RGS5: variants seen among roughly 807,000 people sequenced by gnomAD.
RGS5 encodes the protein regulator of G protein signaling 5, also known as regulator of G-protein signalling 5.
A neutral mutation model predicts 18.9 loss-of-function variants in RGS5; 20 were observed. The ratio of observed to expected loss-of-function variants is 1.06; its 90% CI spans 0.74 to 1.54. The LOEUF (loss-of-function observed/expected upper bound fraction) is 1.54. RGS5 is among the 40% of genes most tolerant of loss of function. RGS5 has a pLI of 0.00. For missense variants in RGS5, 201 were observed against 211.8 expected (o/e 0.95, Z 0.32); for synonymous variants, 57 against 76.2 (o/e 0.75, Z 1.31).
intron 1 of RGS5, among the ~76,000 whole-genome samples, chr1:163,193,998 C>T (rs1571272905): frequency 6.6e-6 from 1 of 152,230 alleles, no homozygotes; most frequent in African/African-American, 2.4e-5. Context: ...TTATCTTGCC[C>T]TCAGTGACAT....
intron 2 of RGS5, among the ~76,000 whole-genome samples, chr1:163,282,047 G>GCACA (rs76600062): frequency 3.8e-5 from 5 of 130,422 alleles, no homozygotes; most frequent in Admixed American, 7.7e-5. Flanking sequence ...GCACGCGCGC[G>GCACA]CACACACACA....
chr1:163,241,064 C>T (rs974790460), intron 2 of RGS5, among the ~76,000 whole-genome samples: 2 of 152,168 alleles, frequency 1.3e-5, no homozygotes, highest in Non-Finnish European at 2.9e-5. Flanking sequence ...GCTAACTTGT[C>T]TTCAGGTAAG....
Position 163,260,058 on chromosome 1 carries a change from A to G in RGS5, c.-281+46175T>C, listed in dbSNP as rs960044335. Reference sequence around the variant, plus strand: ...CTATGATCATAAGCAATGATAATCCATATAAATCATTTCCATTTCCAGTGT... The same window carrying G: ...CTATGATCATAAGCAATGATAATCCGTATAAATCATTTCCATTTCCAGTGT... On this transcript the variant is annotated intron_variant, in intron 2 of 5. Transcript: ENST00000618415. The G allele has an allele frequency of 2.6e-5, 4 of 152,370 alleles. No individual in the cohort carries two copies. The East Asian group carries it at 7.7e-4, about 29-fold the overall frequency. The allele number at this position is 152,370 out of a possible 1,614,324, so 9.4% of individuals were successfully genotyped here.
intron 2 of RGS5, among the ~76,000 whole-genome samples, chr1:163,230,146 G>A (rs1266441332): frequency 3.9e-5 from 6 of 152,180 alleles, no homozygotes; most frequent in Non-Finnish European, 8.8e-5. Flanking sequence ...CAAAAGCATT[G>A]AGAGAGGAGA....
chr1:163,297,289 T>TA (rs1649444880), intron 2 of RGS5, among the ~76,000 whole-genome samples: 1 of 152,152 alleles, frequency 6.6e-6, no homozygotes, highest in Admixed American at 6.5e-5. Context: ...GCAATACAGA[T>TA]AATGCGTCAA....
chr1:163,142,856 T>A lies in RGS5; in HGVS notation c.*4486A>T, dbSNP rs571332178. 8 of 152,190 alleles carry A rather than the reference T, an allele frequency of 5.3e-5. No homozygotes were observed. Among genetic ancestry groups the A allele is most frequent in the Non-Finnish European group, 1.2e-4 (8 of 68,024 alleles). The allele number at this position is 152,190 out of a possible 1,614,324, so 9.4% of individuals were successfully genotyped here. A position where few individuals can be genotyped will look rare whatever the true frequency, so the allele number is the denominator to read the frequency against. ...ACCTCAGGTGAGAGAACAAGTAACT[T>A]GCAAGAGGCTTATTAAACTGTATAT... On this transcript the variant is annotated 3_prime_UTR_variant, in exon 5 of 5. Coordinates refer to ENST00000313961, the MANE Select transcript of RGS5 (RefSeq NM_003617.4).
At chr1:163,284,713 A>G (rs910839701) in intron 2 of RGS5, among the ~76,000 whole-genome samples, 1 of 152,020 alleles carries the variant, frequency 6.6e-6, no homozygotes, top group Non-Finnish European at 1.5e-5. Context: ...AGTATCTCCA[A>G]TAGGATCTGT....
chr1:163,235,889 T>A (rs1647609204), intron 2 of RGS5, among the ~76,000 whole-genome samples: 1 of 152,214 alleles, frequency 6.6e-6, no homozygotes, highest in African/African-American at 2.4e-5. Context: ...TTAGACATCA[T>A]GCCAGGACAA....
intron 2 of RGS5, among the ~76,000 whole-genome samples, chr1:163,265,256 G>T (rs562874418): frequency 6.6e-6 from 1 of 152,132 alleles, no homozygotes; most frequent in South Asian, 2.1e-4. Context: ...GGGAAAAAAG[G>T]CCAGTAGACA....
chr1:163,154,818 G>T (rs1411385791), intron 3 of RGS5, among the ~76,000 whole-genome samples: 23 of 149,054 alleles, frequency 1.5e-4, no homozygotes, highest in Admixed American at 1.5e-3. Flanking sequence ...AACCAATTTA[G>T]TTTATAATTT....
chr1:163,188,574 C>T (rs918986258), intron 1 of RGS5, among the ~76,000 whole-genome samples: 1 of 152,160 alleles, frequency 6.6e-6, no homozygotes, highest in Non-Finnish European at 1.5e-5. Context: ...TCTGGACCCA[C>T]AGCTCAAAAT....
At chr1:163,293,633 T>A (rs1233048915) in intron 2 of RGS5, among the ~76,000 whole-genome samples, 1 of 152,124 alleles carries the variant, frequency 6.6e-6, no homozygotes, top group African/African-American at 2.4e-5. Flanking sequence ...CAAAACACAA[T>A]TATGCCTTCC....
chr1:163,310,186 G>A (rs376801821), intron 1 of RGS5, among the ~76,000 whole-genome samples: 1 of 152,152 alleles, frequency 6.6e-6, no homozygotes, highest in African/African-American at 2.4e-5. Flanking sequence ...TGGTCAGTGA[G>A]CACTGGCCTC....
Position 163,186,073 on chromosome 1 carries a change from C to CT in RGS5, c.44+16718dup, listed in dbSNP as rs34446894. ...AAATAGAAATAGAGAAAAAAAAGGT[C>CT]TTTTTTTTTTTTTTTTGACATAGAG... On this transcript the variant is annotated intron_variant, in intron 1 of 4. Transcript: ENST00000313961. Among the ~76,000 whole-genome samples, 79 of 139,178 alleles carry CT rather than the reference C, an allele frequency of 5.7e-4. 1 individual carries two copies. The highest frequency in any genetic ancestry group is 2.0e-3 in the African/African-American group (75 of 36,796). 91.3% of individuals were successfully genotyped at this position (139,178 alleles called of 152,430 possible).
At chr1:163,166,506 A>C (rs1658059668) in intron 2 of RGS5, among the ~76,000 whole-genome samples, 1 of 152,220 alleles carries the variant, frequency 6.6e-6, no homozygotes, top group African/African-American at 2.4e-5. Context: ...GAGCTTATGC[A>C]GAACACAGTA....
intron 2 of RGS5, among the ~76,000 whole-genome samples, chr1:163,223,438 T>C (rs1403600645): frequency 6.6e-6 from 1 of 152,180 alleles, no homozygotes; most frequent in Non-Finnish European, 1.5e-5. Context: ...TCTTAATGCC[T>C]TGGGGAAGAA....
At chr1:163,152,422 T>C in intron 4 of RGS5, 128 bp downstream of exon 4, 1 of 936,150 alleles carries the variant, frequency 1.1e-6, no homozygotes, top group East Asian at 2.5e-5. Context: ...AATAGGTGCT[T>C]AATAAGGTGG....
intron 2 of RGS5, among the ~76,000 whole-genome samples, chr1:163,288,908 T>C (rs779687799): frequency 1.6e-4 from 25 of 152,170 alleles, no homozygotes; most frequent in Non-Finnish European, 3.7e-4. Context: ...AAAGTAATAA[T>C]AGACTCCTCT....
chr1:163,179,575 A>G (rs1658716189), intron 1 of RGS5, among the ~76,000 whole-genome samples: 2 of 152,224 alleles, frequency 1.3e-5, no homozygotes, highest in South Asian at 4.1e-4. Flanking sequence ...AAACAGTACA[A>G]CAGGAAAAGA....
Sources: gnomAD v4.1 joint callset for allele counts (sites outside exome capture counted in the v4.1 genomes callset) on GRCh38, gnomAD v4.1.1 for gene constraint, MANE v1.5 for transcripts, NCBI Gene and HGNC (gene_info 2026-07-23, HGNC 2026-07-21) for gene names.